PRKD1: variants seen among roughly 807,000 people sequenced by gnomAD.
PRKD1 encodes the protein serine/threonine-protein kinase D1.
Under a neutral mutation model 95.9 loss-of-function variants are expected in PRKD1, and 63 were observed. That is an observed-to-expected ratio of 0.66 (90% CI 0.54 to 0.81). The LOEUF (loss-of-function observed/expected upper bound fraction) is 0.81. Ranked by LOEUF, PRKD1 falls within the 30% of genes least tolerant of loss-of-function variation. The pLI is 0.00. For synonymous variants in PRKD1, 425 were observed against 423.1 expected (o/e 1.00, Z -0.05); for missense variants, 1,048 against 1,165.3 (o/e 0.90, Z 1.47).
intron 12 of PRKD1, among the ~76,000 whole-genome samples, 166 bp from the exon 13 acceptor site, chr14:29,624,424 A>T (rs2139091244): frequency 6.6e-6 from 1 of 152,300 alleles, no homozygotes; most frequent in East Asian, 1.9e-4. Context: ...AGATTTCATT[A>T]TTCTAAATCA....
chr14:29,860,785 A>C (rs919824061), intron 1 of PRKD1, among the ~76,000 whole-genome samples: 1 of 152,180 alleles, frequency 6.6e-6, no homozygotes, highest in South Asian at 2.1e-4. Flanking sequence ...TTCATAGATA[A>C]GGAAACAGAT....
At chr14:29,582,997 A>T (rs1250997038) in intron 16 of PRKD1, among the ~76,000 whole-genome samples, 1 of 152,144 alleles carries the variant, frequency 6.6e-6, no homozygotes, top group Non-Finnish European at 1.5e-5. Context: ...GAAATGTCAT[A>T]ATCTGGCACA....
At chr14:29,610,727 T>C (rs1260020169) in intron 13 of PRKD1, among the ~76,000 whole-genome samples, 2 of 152,222 alleles carry the variant, frequency 1.3e-5, no homozygotes, top group African/African-American at 2.4e-5. Flanking sequence ...ATAACAGCTT[T>C]ATTTATAATT....
intron 1 of PRKD1, among the ~76,000 whole-genome samples, chr14:29,846,310 A>C (rs1283544532): frequency 6.6e-6 from 1 of 152,214 alleles, no homozygotes; most frequent in African/African-American, 2.4e-5. Flanking sequence ...GATAAGGAAA[A>C]AATGAAACAT....
intron 1 of PRKD1, among the ~76,000 whole-genome samples, chr14:29,737,363 T>A (rs1238936695): frequency 0.022 from 1,099 of 49,820 alleles, no homozygotes; most frequent in Non-Finnish European, 0.028. Context: ...AAAAAAAAAA[T>A]ACTCTGCCAG....
intron 1 of PRKD1, among the ~76,000 whole-genome samples, chr14:29,826,845 A>ATATATATG: frequency 2.9e-4 from 2 of 6,968 alleles, no homozygotes; most frequent in Non-Finnish European, 5.0e-4. Context: ...ATATACACAC[A>ATATATATG]TATATATATA....
chr14:29,615,397 A>G (rs1878784960), intron 13 of PRKD1, among the ~76,000 whole-genome samples: 1 of 152,240 alleles, frequency 6.6e-6, no homozygotes, highest in East Asian at 1.9e-4. Flanking sequence ...TTGAGTTCAA[A>G]TGAAGAAAAA....
chr14:29,893,688 T>G (rs1894019143), intron 1 of PRKD1, among the ~76,000 whole-genome samples: 1 of 152,226 alleles, frequency 6.6e-6, no homozygotes, highest in Non-Finnish European at 1.5e-5. Flanking sequence ...TCTTCCATAA[T>G]ATCGCTAGCC....
chr14:29,807,903 G>T (rs1415325596), intron 1 of PRKD1, among the ~76,000 whole-genome samples: 1 of 151,744 alleles, frequency 6.6e-6, no homozygotes, highest in Non-Finnish European at 1.5e-5. Flanking sequence ...TGTATTTCTA[G>T]TATAGACGGG....
In PRKD1 at chr14:29,871,907, T is replaced by C. The variant is rs553033706; in HGVS notation, c.264+55342A>G. ...ACTATTGGCCCAAGCTACCACCTAC[T>C]AATCCAGTTAAAGTGATGAAAGGGG... On this transcript the variant is annotated intron_variant, in intron 1 of 17. Coordinates refer to ENST00000331968, the MANE Select transcript of PRKD1 (RefSeq NM_002742.3). 3.3e-5 allele frequency among the ~76,000 whole-genome samples: 5 copies of C among 152,358 alleles called. No individual in the cohort carries two copies. In the South Asian group the frequency reaches 1.0e-3, roughly 32 times the overall value.
At chr14:29,713,964 G>C (rs1398731200) in intron 2 of PRKD1, among the ~76,000 whole-genome samples, 1 of 151,888 alleles carries the variant, frequency 6.6e-6, no homozygotes, top group African/African-American at 2.4e-5. Context: ...TAATCAGTAG[G>C]GTATTCTATG....
chr14:29,703,471 T>C (rs536662139), intron 2 of PRKD1, among the ~76,000 whole-genome samples: 1 of 152,316 alleles, frequency 6.6e-6, no homozygotes, highest in South Asian at 2.1e-4. Context: ...TAGTATTAGA[T>C]GTTATGTGTT....
chr14:29,900,113 C>T (rs1194989594), intron 1 of PRKD1, among the ~76,000 whole-genome samples: 1 of 152,118 alleles, frequency 6.6e-6, no homozygotes, highest in Non-Finnish European at 1.5e-5. Flanking sequence ...TATAAATTGC[C>T]CAGTCTTGGG....
intron 1 of PRKD1, among the ~76,000 whole-genome samples, chr14:29,746,613 G>T (rs1187771137): frequency 6.6e-6 from 1 of 151,766 alleles, no homozygotes; most frequent in Non-Finnish European, 1.5e-5. Flanking sequence ...TGTGTGCTTT[G>T]GTTCATTACT....
chr14:29,744,533 G>C (rs2060147954), intron 1 of PRKD1, among the ~76,000 whole-genome samples: 1 of 151,970 alleles, frequency 6.6e-6, no homozygotes, highest in South Asian at 2.1e-4. Context: ...AAGAGGAATT[G>C]GAATCATTCT....
At chr14:29,820,583 A>G (rs139403863) in intron 1 of PRKD1, among the ~76,000 whole-genome samples, 1 of 152,188 alleles carries the variant, frequency 6.6e-6, no homozygotes, top group Non-Finnish European at 1.5e-5. Context: ...GCAGGAAGTC[A>G]ACCAAGTAAA....
intron 2 of PRKD1, among the ~76,000 whole-genome samples, chr14:29,696,954 GACAA>G (rs943646701): frequency 2.0e-5 from 3 of 152,088 alleles, no homozygotes; most frequent in Admixed American, 6.6e-5. Context: ...TTCACATAGT[GACAA>G]CCATGGGATG....
chr14:29,878,341 C>CAAAAAAAAAAA (rs58074850), intron 1 of PRKD1, among the ~76,000 whole-genome samples: 9 of 49,830 alleles, frequency 1.8e-4, no homozygotes, highest in African/African-American at 2.2e-4. Flanking sequence ...GTTCTAATGA[C>CAAAAAAAAAAA]AAAAAAAAAA....
Position 29,725,519 on chromosome 14 carries a change from G to T in PRKD1, c.403+17C>A, listed in dbSNP as rs755512419. ...CTTCTAATCTACGGATAAAGAAAAG[G>T]TATAAAAGTATACTACCTGACAAGA... On this transcript the variant is annotated intron_variant, in intron 2 of 17. Transcript: ENST00000331968. 17 of 1,609,508 alleles carry T rather than the reference G, an allele frequency of 1.1e-5. No homozygotes were observed. Among genetic ancestry groups the T allele is most frequent in the Non-Finnish European group, 1.4e-5 (17 of 1,177,556 alleles).
Sources: allele counts gnomAD v4.1 joint callset (sites outside exome capture counted in the v4.1 genomes callset), GRCh38; gene constraint gnomAD v4.1.1; transcripts MANE v1.5; gene names NCBI Gene and HGNC (gene_info 2026-07-23, HGNC 2026-07-21).